LMO2: variants seen among roughly 807,000 people sequenced by gnomAD.
The protein encoded by LMO2 is LIM domain only 2, also known as rhombotin-2.
In LMO2, 20 loss-of-function variants were observed where a neutral mutation model predicts 23.2. That is an observed-to-expected ratio of 0.86 (90% CI 0.61 to 1.25). The LOEUF is 1.25. Ranked by LOEUF, LMO2 falls within the 50% of genes most tolerant of loss-of-function variation. LMO2 has a pLI of 0.00. For synonymous variants in LMO2, 123 were observed against 130.2 expected (o/e 0.94, Z 0.38); for missense variants, 270 against 315.3 (o/e 0.86, Z 1.09).
At chr11:33,879,174 G>C (rs1248325757) in intron 2 of LMO2, among the ~76,000 whole-genome samples, 2 of 152,042 alleles carry the variant, frequency 1.3e-5, no homozygotes, top group Non-Finnish European at 2.9e-5. Context: ...TGACTCTAAA[G>C]GCACAGGCAA....
rs568701879 is a variant in LMO2 at position 33,869,509 on chromosome 11, C to G, written c.85G>C (p.Gly29Arg). Residue 29 changes from glycine to arginine, a missense_variant, in exon 4 of 6, where the codon GGC becomes CGC. By Grantham distance (125) the Gly-to-Arg change is moderately radical. Around this residue, in one of 2 missense-constraint regions of LMO2, gnomAD observed 170 missense variants for 162.0 expected, o/e 1.05. Coordinates refer to ENST00000257818, the MANE Select transcript of LMO2 (RefSeq NM_005574.4). ...ERRSKRRRRS[G>R]GDGGGGGGAR... ...CCGCCGCCGCCGCCGCCGTCGCCGC[C>G]GCTCCTGCGCCTCCGCTTGCTCCGG... The G allele has an allele frequency of 2.5e-6, 3 of 1,212,384 alleles. No homozygotes were observed. The highest frequency in any genetic ancestry group is 6.7e-5 in the South Asian group (2 of 29,728). The allele number at this position is 1,212,384 out of a possible 1,614,324, so 75.1% of individuals were successfully genotyped here.
At chr11:33,876,354 C>T (rs1178719023) in intron 2 of LMO2, among the ~76,000 whole-genome samples, 3 of 152,132 alleles carry the variant, frequency 2.0e-5, no homozygotes, top group African/African-American at 4.8e-5. Context: ...CTGACCTGTT[C>T]CCAGTTGTGT....
chr11:33,889,981 T>C (rs1167383667), intron 1 of LMO2, among the ~76,000 whole-genome samples: 1 of 152,238 alleles, frequency 6.6e-6, no homozygotes, highest in African/African-American at 2.4e-5. Context: ...AATGAAATCA[T>C]GTCTCTCGCA....
Position 33,869,558 on chromosome 11 carries a change from T to C in LMO2, c.36A>G (p.Gly12=). The change falls in exon 4 of 6, where the codon GGA becomes GGG. Residue 12 remains glycine (G), a synonymous_variant. Transcript: ENST00000257818. The part of the protein sequence containing the change: ...EGSAVTVLER[G]GASSPAERRS... Reference sequence around the variant, plus strand: ...GGCGCTCCGCCGGCGAGCTCGCCCCTCCGCGCTCAAGGACAGTCACCGCGC... The same window carrying C: ...GGCGCTCCGCCGGCGAGCTCGCCCCCCCGCGCTCAAGGACAGTCACCGCGC... The C allele has an allele frequency of 7.8e-7, 1 of 1,285,756 alleles. No individual in the cohort carries two copies. 79.6% of individuals were successfully genotyped at this position (1,285,756 alleles called of 1,614,324 possible). A position where few individuals can be genotyped will look rare whatever the true frequency, so the allele number is the denominator to read the frequency against.
chr11:33,890,123 A>G (rs1857509367), intron 1 of LMO2, among the ~76,000 whole-genome samples: 1 of 152,146 alleles, frequency 6.6e-6, no homozygotes, highest in Non-Finnish European at 1.5e-5. Flanking sequence ...ATGGAATAAT[A>G]TACACTGGAG....
intron 3 of LMO2, 42 bp from the exon 4 acceptor site, chr11:33,869,628 G>C: frequency 7.9e-7 from 1 of 1,259,748 alleles, no homozygotes; most frequent in South Asian, 2.4e-5. Flanking sequence ...CGGGCTGCGG[G>C]CGCGCCGCGG....
At chr11:33,872,721 T>C (rs1259395245) in intron 2 of LMO2, among the ~76,000 whole-genome samples, 3 of 152,148 alleles carry the variant, frequency 2.0e-5, no homozygotes, top group African/African-American at 7.2e-5. Flanking sequence ...ATTATCGTGG[T>C]GACTAAATGA....
chr11:33,858,916 G>A lies in LMO2; in HGVS notation c.*440C>T, dbSNP rs1457136735. The A allele has an allele frequency of 4.1e-6, 1 of 241,206 alleles. No homozygotes were observed. The highest frequency in any genetic ancestry group is 8.2e-6 in the Non-Finnish European group (1 of 121,876). The allele number at this position is 241,206 out of a possible 1,614,324, so 14.9% of individuals were successfully genotyped here. On this transcript the variant is annotated 3_prime_UTR_variant, in exon 6 of 6. Transcript: ENST00000257818. The stretch of plus-strand genomic sequence containing the variant: ...CTCCTTTCTGTCCTTCCCTTGTGTG[G>A]AGGACAGTGATTGAAACAGGGGAGT...
intron 4 of LMO2, chr11:33,865,128 T>C: frequency 2.3e-6 from 1 of 434,260 alleles, no homozygotes; most frequent in Non-Finnish European, 4.3e-6. Flanking sequence ...GCACCTCTGG[T>C]CTCCTTCTGC....
At position 33,880,158 on chromosome 11, in the gene LMO2, T is replaced by C. The variant is rs1214513216; in HGVS notation, c.-272+1666A>G. Among the ~76,000 whole-genome samples, 2 of 146,142 alleles carry C rather than the reference T, an allele frequency of 1.4e-5. 1 individual carries two copies. The highest frequency in any genetic ancestry group is 3.1e-5 in the Non-Finnish European group (2 of 65,432). On this transcript the variant is annotated intron_variant, in intron 2 of 5. Transcript: ENST00000257818. This position sits in a 1 kb window ranked among gnomAD's most constrained non-coding sequence, Gnocchi z 4.3. ...GCATACTATTTTATGTGTACATATA[T>C]ATACATATGATATATACACATGATA... is the stretch of plus-strand genomic sequence containing the variant.
intron 2 of LMO2, among the ~76,000 whole-genome samples, chr11:33,876,816 CA>C (rs1175048408): frequency 2.0e-5 from 3 of 152,164 alleles, no homozygotes; most frequent in Non-Finnish European, 4.4e-5. Flanking sequence ...TGGTTTTAGG[CA>C]AATTATTTAA....
chr11:33,869,872 G>C lies in LMO2; in HGVS notation c.-156C>G. 39 of 1,052,700 alleles carry C rather than the reference G, an allele frequency of 3.7e-5. No individual in the cohort carries two copies. The highest frequency in any genetic ancestry group is 4.3e-5 in the Non-Finnish European group (38 of 873,676). The allele number at this position is 1,052,700 out of a possible 1,614,324, so 65.2% of individuals were successfully genotyped here. ...CTGCTCGCCGCCGAGGGCAGAGAGGGGGCGGCGGCCTAGGGGCGGGGAGGG... is the reference window on the plus strand; with the variant it reads ...CTGCTCGCCGCCGAGGGCAGAGAGGCGGCGGCGGCCTAGGGGCGGGGAGGG... On this transcript the variant is annotated 5_prime_UTR_variant, in exon 3 of 6. Transcript: ENST00000257818.
At chr11:33,886,283 G>A (rs185312981) in intron 1 of LMO2, among the ~76,000 whole-genome samples, 2 of 152,316 alleles carry the variant, frequency 1.3e-5, no homozygotes, top group East Asian at 3.9e-4. Context: ...CATTTAGAAG[G>A]GGTGCTGGAG....
At chr11:33,884,232 T>C (rs1312788640) in intron 1 of LMO2, among the ~76,000 whole-genome samples, 1 of 151,928 alleles carries the variant, frequency 6.6e-6, no homozygotes, top group Non-Finnish European at 1.5e-5. Context: ...TACGTAGATA[T>C]AGGACAGGGG....
At chr11:33,881,639 A>G (rs897014715) in intron 2 of LMO2, 185 bp downstream of exon 2, 8 of 341,672 alleles carry the variant, frequency 2.3e-5, no homozygotes. Context: ...CCAAGTTCAG[A>G]TCACAATTTA....
At chr11:33,860,367 T>C (rs569105209) in intron 5 of LMO2, among the ~76,000 whole-genome samples, 13 of 152,306 alleles carry the variant, frequency 8.5e-5, no homozygotes, top group African/African-American at 2.9e-4. Flanking sequence ...CAGTATTCAG[T>C]GTCAAGGTGG....
intron 2 of LMO2, among the ~76,000 whole-genome samples, chr11:33,878,456 A>C (rs573208902): frequency 4.6e-5 from 7 of 152,364 alleles, no homozygotes; most frequent in African/African-American, 1.7e-4. Flanking sequence ...GGGTCATCTT[A>C]GGAAAATCTC....
rs7933499 is a variant in LMO2 at position 33,881,782 on chromosome 11, A to C, written c.-272+42T>G. 144 of 188,560 alleles carry C rather than the reference A, an allele frequency of 7.6e-4. 3 individuals carry two copies. The South Asian group carries it at 0.011, about 15-fold the overall frequency. The allele number at this position is 188,560 out of a possible 1,614,324, so 11.7% of individuals were successfully genotyped here. A position where few individuals can be genotyped will look rare whatever the true frequency, so the allele number is the denominator to read the frequency against. On this transcript the variant is annotated intron_variant, in intron 2 of 5. Transcript: ENST00000257818. ...TGCAGGAAGCATACAATAATGGAAG[A>C]AATGAATGAATGAACAAATGAATTA...
chr11:33,868,818 G>A (rs1009447768), intron 4 of LMO2, among the ~76,000 whole-genome samples: 1 of 152,066 alleles, frequency 6.6e-6, no homozygotes, highest in Non-Finnish European at 1.5e-5. Context: ...GCTCCGAGGT[G>A]GACGGTCGGA....
Sources: allele counts gnomAD v4.1 joint callset (sites outside exome capture counted in the v4.1 genomes callset), GRCh38; gene constraint gnomAD v4.1.1; regional missense constraint gnomAD v4.1.1; non-coding constraint Gnocchi (gnomAD v3.1); transcripts MANE v1.5; gene names NCBI Gene and HGNC (gene_info 2026-07-23, HGNC 2026-07-21).